The following ARL15 variants were observed in gnomAD, a reference collection of about 807,000 sequenced individuals.
ARL15 encodes ADP-ribosylation factor-like protein 15.
ARL15 carries 19 observed loss-of-function variants against 25.2 expected under a neutral mutation model. The ratio of observed to expected loss-of-function variants is 0.75; its 90% CI spans 0.53 to 1.10. ARL15 has a LOEUF of 1.10. Ranked by LOEUF, ARL15 falls within the 50% of genes least tolerant of loss-of-function variation. The pLI is 0.00. For missense variants in ARL15, 220 were observed against 246.0 expected (o/e 0.89, Z 0.71); for synonymous variants, 94 against 86.8 (o/e 1.08, Z -0.46).
chr5:54,302,234 C>T (rs1758632098), intron 1 of ARL15, among the ~76,000 whole-genome samples: 1 of 152,164 alleles, frequency 6.6e-6, no homozygotes, highest in South Asian at 2.1e-4. Context: ...CTCACTCATC[C>T]TCTCAACAAT....
chr5:54,226,874 T>C (rs1034173565), intron 1 of ARL15, among the ~76,000 whole-genome samples: 13 of 152,130 alleles, frequency 8.5e-5, no homozygotes, highest in Non-Finnish European at 1.8e-4. Context: ...CAGTGGGAGA[T>C]AACTGAATCA....
rs148830305 is a variant in ARL15, at chr5:54,292,783, C to A, written c.48+17649G>T. On this transcript the variant is annotated intron_variant, in intron 1 of 4. Coordinates refer to ENST00000504924, the MANE Select transcript of ARL15 (RefSeq NM_019087.3). ...CACTCAGCGCTCACAATTAGAGCAA[C>A]GTGGGTATTTCCAGGCCTGTTTCTC... Among the ~76,000 whole-genome samples, 7 of 152,084 alleles carry A rather than the reference C, an allele frequency of 4.6e-5. No homozygotes were observed. The South Asian group carries it at 1.5e-3, about 32-fold the overall frequency.
At chr5:53,967,638 G>A (rs570273571) in intron 4 of ARL15, among the ~76,000 whole-genome samples, 1 of 152,296 alleles carries the variant, frequency 6.6e-6, no homozygotes, top group South Asian at 2.1e-4. Flanking sequence ...CTTGTGAGGT[G>A]TCCAGTAGGG....
rs181685318 is a variant in ARL15, at chr5:54,039,676, G to T, written c.462+73526C>A. Among the ~76,000 whole-genome samples the T allele has an allele frequency of 2.0e-3, 310 of 151,770 alleles. 1 individual carries two copies. The highest frequency in any genetic ancestry group is 7.1e-3 in the African/African-American group (294 of 41,416). On this transcript the variant is annotated intron_variant, in intron 4 of 4. Transcript: ENST00000504924. ...AAATTAGATGGGCTTGGTGGCAGAT[G>T]CTGTAATCTCAGCTACTTGGGAGGC...
At chr5:54,006,117 T>C (rs1257690923) in intron 4 of ARL15, among the ~76,000 whole-genome samples, 1 of 151,138 alleles carries the variant, frequency 6.6e-6, no homozygotes, top group Non-Finnish European at 1.5e-5. Context: ...TCCCAAGTAC[T>C]GGCAAACCCC....
chr5:54,045,344 T>C lies in ARL15; in HGVS notation c.462+67858A>G, dbSNP rs192674855. ...CTTGAAAGTCCAGACTACAAGAACATTGGGGCTAAGAACTGTATTTTCTTC... is the reference window on the plus strand; with the variant it reads ...CTTGAAAGTCCAGACTACAAGAACACTGGGGCTAAGAACTGTATTTTCTTC... On this transcript the variant is annotated intron_variant, in intron 4 of 4. Transcript: ENST00000504924. 2.2e-4 allele frequency among the ~76,000 whole-genome samples: 34 copies of C among 152,278 alleles called. No individual in the cohort carries two copies. The East Asian group carries it at 5.2e-3, about 23-fold the overall frequency.
chr5:54,302,767 C>T (rs562994897), intron 1 of ARL15, among the ~76,000 whole-genome samples: 1 of 134,770 alleles, frequency 7.4e-6, no homozygotes, highest in Non-Finnish European at 1.5e-5. Context: ...CTGAACCCAG[C>T]GGTTGCATGG....
intron 4 of ARL15, among the ~76,000 whole-genome samples, chr5:53,889,214 G>A (rs960889152): frequency 2.0e-5 from 3 of 152,044 alleles, no homozygotes; most frequent in African/African-American, 7.3e-5. Context: ...ATACGGAATT[G>A]ATCCCGGTAG....
intron 1 of ARL15, among the ~76,000 whole-genome samples, chr5:54,200,670 G>A (rs1366549020): frequency 3.3e-5 from 5 of 152,194 alleles, no homozygotes; most frequent in African/African-American, 1.2e-4. Context: ...AGAGGTCAGT[G>A]TTGCTCTGTC....
At chr5:54,279,393 G>A (rs1331078057) in intron 1 of ARL15, among the ~76,000 whole-genome samples, 1 of 152,134 alleles carries the variant, frequency 6.6e-6, no homozygotes, top group Non-Finnish European at 1.5e-5. Context: ...GTCAGTTTCT[G>A]TTGAGGGATC....
At chr5:54,045,597 GA>G (rs113825025) in intron 4 of ARL15, among the ~76,000 whole-genome samples, 48 of 145,452 alleles carry the variant, frequency 3.3e-4, no homozygotes, top group South Asian at 1.1e-3. Flanking sequence ...AATCAAGAAG[GA>G]AAAAAAAAAA....
intron 4 of ARL15, among the ~76,000 whole-genome samples, chr5:53,970,002 T>C (rs1048270540): frequency 6.6e-6 from 1 of 152,120 alleles, no homozygotes; most frequent in South Asian, 2.1e-4. Flanking sequence ...GCATGCTGGA[T>C]AAAAGGGAGA....
chr5:54,269,852 G>T (rs1757734919), intron 1 of ARL15, among the ~76,000 whole-genome samples: 2 of 152,050 alleles, frequency 1.3e-5, no homozygotes, highest in African/African-American at 4.8e-5. Context: ...TCACTATGTT[G>T]GCCAGGCTGG....
chr5:53,946,893 A>G (rs1746753518), intron 4 of ARL15, among the ~76,000 whole-genome samples: 1 of 152,196 alleles, frequency 6.6e-6, no homozygotes, highest in Non-Finnish European at 1.5e-5. Flanking sequence ...AGAAAAGGGA[A>G]ATGAGTCATA....
intron 1 of ARL15, among the ~76,000 whole-genome samples, chr5:54,230,604 T>C (rs1756644528): frequency 6.6e-6 from 1 of 152,100 alleles, no homozygotes; most frequent in Non-Finnish European, 1.5e-5. Flanking sequence ...AATGATCACT[T>C]TCCCAGCCAG....
intron 4 of ARL15, among the ~76,000 whole-genome samples, chr5:53,932,599 A>G (rs1746226111): frequency 6.6e-6 from 1 of 152,126 alleles, no homozygotes; most frequent in Non-Finnish European, 1.5e-5. Context: ...ATTCTGGAAG[A>G]CTCCGTGCCT....
chr5:54,065,706 A>C (rs1458916562), intron 4 of ARL15, among the ~76,000 whole-genome samples: 1 of 147,486 alleles, frequency 6.8e-6, no homozygotes, highest in Non-Finnish European at 1.5e-5. Flanking sequence ...CAACCAAAAA[A>C]CAACAACTAC....
chr5:54,010,516 A>C (rs1309788979), intron 4 of ARL15, among the ~76,000 whole-genome samples: 1 of 152,168 alleles, frequency 6.6e-6, no homozygotes, highest in Non-Finnish European at 1.5e-5. Context: ...CTGGAAGGGA[A>C]CCAACATGAT....
intron 4 of ARL15, among the ~76,000 whole-genome samples, chr5:53,989,578 T>A (rs201650553): frequency 4.7e-4 from 10 of 21,070 alleles, no homozygotes; most frequent in African/African-American, 1.0e-3. Flanking sequence ...CAGGGAGGGG[T>A]GTGTGTGTGT....
Sources: gnomAD v4.1 joint callset for allele counts (sites outside exome capture counted in the v4.1 genomes callset) on GRCh38, gnomAD v4.1.1 for gene constraint, MANE v1.5 for transcripts, NCBI Gene and HGNC (gene_info 2026-07-23, HGNC 2026-07-21) for gene names.